The following ATXN7L1 variants were observed in gnomAD, a reference collection of about 807,000 sequenced individuals.
The protein encoded by ATXN7L1 is ataxin 7 like 1, also known as ataxin-7-like protein 1.
ATXN7L1 carries 15 observed loss-of-function variants against 70.8 expected under a neutral mutation model. The ratio of observed to expected loss-of-function variants is 0.21; its 90% CI spans 0.14 to 0.33. ATXN7L1 has a LOEUF of 0.33. Among genes scored for constraint, ATXN7L1 ranks in the 10% least tolerant of loss-of-function variants. The probability of loss-of-function intolerance (pLI) is 1.00; values close to 1 mark genes in which losing one functional copy is unlikely to be tolerated. For synonymous variants in ATXN7L1, 440 were observed against 445.1 expected, an observed-to-expected ratio of 0.99 and a Z score of 0.14; for missense variants, 975 against 1,097.1, an observed-to-expected ratio of 0.89 and a Z score of 1.57.
Position 105,836,842 on chromosome 7 carries a change from G to A in ATXN7L1, c.250+38970C>T, listed in dbSNP as rs561648042. 2.0e-4 allele frequency among the ~76,000 whole-genome samples: 31 copies of A among 152,288 alleles called. No homozygotes were observed. The South Asian group carries it at 5.6e-3, about 28-fold the overall frequency. On this transcript the variant is annotated intron_variant, in intron 2 of 11. Transcript: ENST00000419735. The stretch of plus-strand genomic sequence containing the variant: ...TTTGGGAGGCTGAGACAGATCACCT[G>A]AGGTCAGGAGTTTGAGACCAGCCTG...
chr7:105,748,679 C>T (rs1798854014), intron 3 of ATXN7L1, among the ~76,000 whole-genome samples: 2 of 152,180 alleles, frequency 1.3e-5, no homozygotes, highest in South Asian at 4.1e-4. Context: ...TCTTCTCCCT[C>T]AGGCCTGAGG....
rs562085400 is a variant in ATXN7L1 at position 105,681,383 on chromosome 7, TAACA to T, written c.356-16099_356-16096del. Among the ~76,000 whole-genome samples the T allele has an allele frequency of 2.3e-3, 353 of 152,286 alleles. 2 individuals are homozygous for T. In the South Asian group the frequency reaches 0.028, roughly 12 times the overall value. On this transcript the variant is annotated intron_variant, in intron 3 of 11. Coordinates refer to ENST00000419735, the MANE Select transcript of ATXN7L1 (RefSeq NM_020725.2). ...ATTTCACACCCACTGGGATAGCTGTTAACAAACAATGAAAATAACAAGTCTTGGT... is the reference window on the plus strand; with the variant it reads ...ATTTCACACCCACTGGGATAGCTGTTAACAATGAAAATAACAAGTCTTGGT...
At chr7:105,627,841 GTTTTTTTTTT>G (rs36028028) in intron 7 of ATXN7L1, among the ~76,000 whole-genome samples, 1 of 86,448 alleles carries the variant, frequency 1.2e-5, no homozygotes, top group African/African-American at 5.0e-5. Context: ...CCTGTCTTTA[GTTTTTTTTTT>G]TTTTTTTTTT....
intron 3 of ATXN7L1, among the ~76,000 whole-genome samples, chr7:105,673,104 G>A (rs772248354): frequency 3.3e-5 from 5 of 152,208 alleles, no homozygotes; most frequent in South Asian, 2.1e-4. Context: ...TCTGATAGGC[G>A]CGGGGAACCC....
At chr7:105,786,017 C>G (rs1804239911) in intron 3 of ATXN7L1, among the ~76,000 whole-genome samples, 1 of 152,124 alleles carries the variant, frequency 6.6e-6, no homozygotes. Context: ...AAAAGTACTC[C>G]CCACAAAGAG....
At chr7:105,686,464 C>G (rs1307496371) in intron 3 of ATXN7L1, among the ~76,000 whole-genome samples, 2 of 152,062 alleles carry the variant, frequency 1.3e-5, no homozygotes, top group African/African-American at 4.8e-5. Flanking sequence ...TGCAGTGAGC[C>G]AAGATTGTGC....
intron 4 of ATXN7L1, among the ~76,000 whole-genome samples, chr7:105,649,010 T>G (rs1029877868): frequency 6.7e-6 from 1 of 150,018 alleles, no homozygotes; most frequent in Non-Finnish European, 1.5e-5. Context: ...ACTGTTTGCT[T>G]AGGTGACAAA....
intron 2 of ATXN7L1, among the ~76,000 whole-genome samples, chr7:105,792,014 G>T (rs1157996133): frequency 6.6e-6 from 1 of 152,164 alleles, no homozygotes; most frequent in Non-Finnish European, 1.5e-5. Context: ...TACATGCTGG[G>T]TGACCTGTCG....
chr7:105,613,540 G>T, intron 10 of ATXN7L1: 1 of 1,275,890 alleles, frequency 7.8e-7, no homozygotes, highest in South Asian at 1.9e-5. Context: ...CCGATGTGGA[G>T]TGGGGAACTC....
intron 2 of ATXN7L1, among the ~76,000 whole-genome samples, chr7:105,822,988 A>T (rs1810373190): frequency 6.6e-6 from 1 of 152,142 alleles, no homozygotes; most frequent in Non-Finnish European, 1.5e-5. Context: ...AGCTCCAAAA[A>T]TTTTTACTGA....
intron 2 of ATXN7L1, among the ~76,000 whole-genome samples, chr7:105,844,819 C>T (rs1813733608): frequency 6.6e-6 from 1 of 152,172 alleles, no homozygotes; most frequent in African/African-American, 2.4e-5. Context: ...ACCTTATATA[C>T]AGAAAGCCCT....
In ATXN7L1 at chr7:105,798,696, A is replaced by C. The variant is rs1204365; in HGVS notation, c.251-9988T>G. Among the ~76,000 whole-genome samples, 316 of 152,366 alleles carry C rather than the reference A, an allele frequency of 2.1e-3. 2 individuals carry two copies. Among genetic ancestry groups the C allele is most frequent in the African/African-American group, 7.3e-3 (302 of 41,588 alleles). ...CTTACTTGAAGATCTCCTTGTAGGCAACTGAATTCAGCCTTCTCTCTGACA... is the reference window on the plus strand; with the variant it reads ...CTTACTTGAAGATCTCCTTGTAGGCCACTGAATTCAGCCTTCTCTCTGACA... On this transcript the variant is annotated intron_variant, in intron 2 of 11. Coordinates refer to ENST00000419735, the MANE Select transcript of ATXN7L1 (RefSeq NM_020725.2).
chr7:105,751,063 T>C (rs575086843), intron 3 of ATXN7L1, among the ~76,000 whole-genome samples: 1 of 152,300 alleles, frequency 6.6e-6, no homozygotes, highest in East Asian at 1.9e-4. Context: ...ACTTAACTAC[T>C]CCCCAATTGC....
intron 3 of ATXN7L1, among the ~76,000 whole-genome samples, chr7:105,732,377 T>A (rs1450463907): frequency 6.6e-6 from 1 of 152,180 alleles, no homozygotes; most frequent in Non-Finnish European, 1.5e-5. Flanking sequence ...TGCTCCCCTG[T>A]ATCCCAGTCT....
intron 5 of ATXN7L1, 77 bp downstream of exon 5, chr7:105,642,761 C>T: frequency 2.1e-6 from 3 of 1,438,486 alleles, no homozygotes; most frequent in Non-Finnish European, 2.8e-6. Context: ...ATGATAACAG[C>T]ACATCACTCC....
At position 105,750,732 on chromosome 7, in the gene ATXN7L1, C is replaced by T. The variant is rs531325218; in HGVS notation, c.355+37872G>A. On this transcript the variant is annotated intron_variant, in intron 3 of 11. Coordinates refer to ENST00000419735, the MANE Select transcript of ATXN7L1 (RefSeq NM_020725.2). Reference sequence around the variant, plus strand: ...GCAGGAGAATCACTTGAACCCGGGACGTGGAGGTTGCAGTGAGCCAAGATT... The same window carrying T: ...GCAGGAGAATCACTTGAACCCGGGATGTGGAGGTTGCAGTGAGCCAAGATT... 6.0e-4 allele frequency among the ~76,000 whole-genome samples: 91 copies of T among 152,168 alleles called. 1 individual carries two copies. The highest frequency in any genetic ancestry group is 2.7e-3 in the South Asian group (13 of 4,828).
intron 3 of ATXN7L1, among the ~76,000 whole-genome samples, chr7:105,689,863 T>G (rs962846613): frequency 1.3e-5 from 2 of 152,132 alleles, no homozygotes; most frequent in African/African-American, 4.8e-5. Context: ...AGGCTTTTCC[T>G]ACTAGGACCA....
chr7:105,621,234 T>C (rs758180490), intron 8 of ATXN7L1, among the ~76,000 whole-genome samples: 11 of 152,204 alleles, frequency 7.2e-5, no homozygotes, highest in Non-Finnish European at 1.2e-4. Context: ...CTTCTTCTTT[T>C]TGTCAATCCC....
intron 2 of ATXN7L1, among the ~76,000 whole-genome samples, chr7:105,806,576 C>T (rs1807646237): frequency 6.6e-6 from 1 of 152,100 alleles, no homozygotes; most frequent in African/African-American, 2.4e-5. Flanking sequence ...GTGGGGACAT[C>T]ATGAGCAAGC....
Sources: gnomAD v4.1 joint callset for allele counts (sites outside exome capture counted in the v4.1 genomes callset) on GRCh38, gnomAD v4.1.1 for gene constraint, MANE v1.5 for transcripts, NCBI Gene and HGNC (gene_info 2026-07-23, HGNC 2026-07-21) for gene names.